DMRT1: variants seen among roughly 807,000 people sequenced by gnomAD.
DMRT1 encodes the protein doublesex and mab-3 related transcription factor 1.
In DMRT1, 7 loss-of-function variants were observed where a neutral mutation model predicts 32.3. The ratio of observed to expected loss-of-function variants is 0.22; its 90% CI spans 0.12 to 0.41. DMRT1 has a LOEUF of 0.41. DMRT1 is among the 10% of genes least tolerant of loss of function. The pLI, the probability that DMRT1 is intolerant of heterozygous loss-of-function variation, is 1.00. For missense variants in DMRT1, 625 were observed against 500.5 expected, an observed-to-expected ratio of 1.25 and a Z score of -2.37; for synonymous variants, 278 against 206.1, an observed-to-expected ratio of 1.35 and a Z score of -2.99.
intron 3 of DMRT1, among the ~76,000 whole-genome samples, chr9:896,493 T>C (rs1426695845): frequency 6.6e-6 from 1 of 151,966 alleles, no homozygotes; most frequent in Non-Finnish European, 1.5e-5. Flanking sequence ...GCAACCACTG[T>C]TCTCTGATTC....
rs1470158449 is a variant in DMRT1 at position 965,164 on chromosome 9, T to C, written c.968-2821T>C. On this transcript the variant is annotated intron_variant, in intron 4 of 4. Coordinates refer to ENST00000382276, the MANE Select transcript of DMRT1 (RefSeq NM_021951.3). This position sits in a 1 kb window ranked among gnomAD's most constrained non-coding sequence, Gnocchi z 4.5. ...AAAAGTGATTTTGGACATTAGTCAC[T>C]AAGGAAAAACACACTAAATCTTTTC... 1.3e-5 allele frequency among the ~76,000 whole-genome samples: 2 copies of C among 152,196 alleles called. No individual in the cohort carries two copies. Among genetic ancestry groups the C allele is most frequent in the Non-Finnish European group, 2.9e-5 (2 of 68,038 alleles).
chr9:906,765 A>C (rs369031845), intron 3 of DMRT1, among the ~76,000 whole-genome samples: 1 of 152,248 alleles, frequency 6.6e-6, no homozygotes, highest in Non-Finnish European at 1.5e-5. Context: ...AGCTAAAGGC[A>C]GCAAAGTAGG....
chr9:894,157 G>A lies in DMRT1; in HGVS notation c.784G>A (p.Gly262Arg), dbSNP rs371753746. 2.8e-5 allele frequency: 45 copies of A among 1,613,874 alleles called. No individual in the cohort carries two copies. Among genetic ancestry groups the A allele is most frequent in the Non-Finnish European group, 3.6e-5 (42 of 1,180,050 alleles). Residue 262 changes from glycine to arginine, a missense_variant, in exon 3 of 5, where the codon GGA (glycine) becomes AGA (arginine). By Grantham distance (125) the Gly-to-Arg change is moderately radical. Coordinates refer to ENST00000382276, the MANE Select transcript of DMRT1 (RefSeq NM_021951.3). ...GAAGAACAGCCTTCGGGGCCTCCCC[G>A]GACCTTATGTGCCTGGTCAGACAGG... is the stretch of plus-strand genomic sequence containing the variant. ...PVKNSLRGLP[G>R]PYVPGQTGNQ...
intron 2 of DMRT1, among the ~76,000 whole-genome samples, chr9:866,722 A>G (rs1319592023): frequency 1.3e-5 from 2 of 152,118 alleles, no homozygotes; most frequent in Admixed American, 1.3e-4. Context: ...TGAGTTTGAG[A>G]TGTGTGTGAG....
chr9:908,461 A>C (rs937909585), intron 3 of DMRT1, among the ~76,000 whole-genome samples: 1 of 55,988 alleles, frequency 1.8e-5, no homozygotes, highest in African/African-American at 4.2e-5. Context: ...GTCTCTAAAA[A>C]TGTTTTTTTA....
At position 842,051 on chromosome 9, in the gene DMRT1, G is replaced by A. The variant is rs376518776; in HGVS notation, c.213G>A (p.Pro71=). The part of the protein sequence containing the change: ...SDLGAGSKKS[P]RLPKCARCRN... ...TGGGTGCCGGGAGCAAGAAGTCCCC[G>A]CGGCTGCCCAAGTGCGCACGCTGCA... Residue 71 remains proline (P), a synonymous_variant, in exon 1 of 5, where the codon CCG becomes CCA. Transcript: ENST00000382276. 1,020 of 1,545,406 alleles carry A rather than the reference G, an allele frequency of 6.6e-4. 2 individuals are homozygous for A. The Middle Eastern group carries it at 6.7e-3, about 10-fold the overall frequency.
intron 3 of DMRT1, among the ~76,000 whole-genome samples, chr9:913,800 G>T (rs1340447506): frequency 6.6e-6 from 1 of 152,194 alleles, no homozygotes; most frequent in Non-Finnish European, 1.5e-5. Context: ...GGCTGACGCA[G>T]GAGAATCGCT....
intron 4 of DMRT1, among the ~76,000 whole-genome samples, chr9:953,980 C>T (rs1231725649): frequency 6.6e-6 from 1 of 152,056 alleles, no homozygotes; most frequent in East Asian, 1.9e-4. Context: ...AGGTGGAGTA[C>T]TGTGGGCATT....
At chr9:846,086 C>T (rs1268625949) in intron 1 of DMRT1, among the ~76,000 whole-genome samples, 2 of 147,986 alleles carry the variant, frequency 1.4e-5, no homozygotes, top group Non-Finnish European at 3.0e-5. Flanking sequence ...GGCTGGAGTG[C>T]AGTGTCGCGA....
intron 2 of DMRT1, among the ~76,000 whole-genome samples, chr9:850,740 T>TC (rs1334205992): frequency 1.3e-5 from 1 of 74,886 alleles, no homozygotes. Flanking sequence ...TGTATAGATG[T>TC]GAGGCCAGCC....
chr9:870,709 C>CTCTTTTTTTTTTTTTTTTTTTTTTTTTT (rs1816206857), intron 2 of DMRT1, among the ~76,000 whole-genome samples: 2 of 69,560 alleles, frequency 2.9e-5, no homozygotes, highest in African/African-American at 1.3e-4. Flanking sequence ...ATTTTCTTGA[C>CTCTTTTTTTTTTTTTTTTTTTTTTTTTT]TTTTTTTTTT....
chr9:870,027 G>A (rs4538942), intron 2 of DMRT1, among the ~76,000 whole-genome samples: 59,015 of 152,030 alleles, frequency 0.39, 11,650 homozygotes, highest in South Asian at 0.46. Flanking sequence ...GAACGAATAA[G>A]TTTCTTAAGT....
chr9:852,359 T>C (rs1421479298), intron 2 of DMRT1, among the ~76,000 whole-genome samples: 5 of 151,846 alleles, frequency 3.3e-5, no homozygotes, highest in Non-Finnish European at 7.4e-5. Flanking sequence ...TACATTTTTT[T>C]CCGGTGGTTT....
chr9:894,035 A>G lies in DMRT1; in HGVS notation c.662A>G (p.Tyr221Cys), dbSNP rs1412589556. The change falls in exon 3 of 5, where the codon TAT becomes TGT. Residue 221 changes from tyrosine to cysteine, a missense_variant. Tyr to Cys is a radical substitution (Grantham distance 194, BLOSUM62 -2). Around this residue, in one of 3 missense-constraint regions of DMRT1, gnomAD observed 416 missense variants for 321.6 expected, o/e 1.29. Coordinates refer to ENST00000382276, the MANE Select transcript of DMRT1 (RefSeq NM_021951.3). Reference sequence around the variant, plus strand: ...TTCTACCAGCCGTCTCTGTTTCCTTATTACAACAATCTATACAACTGCCCG... The same window carrying G: ...TTCTACCAGCCGTCTCTGTTTCCTTGTTACAACAATCTATACAACTGCCCG... ...SSFYQPSLFP[Y>C]YNNLYNCPQY... The G allele has an allele frequency of 8.7e-6, 14 of 1,614,054 alleles. No individual in the cohort carries two copies. Among genetic ancestry groups the G allele is most frequent in the Non-Finnish European group, 1.1e-5 (13 of 1,180,040 alleles).
intron 2 of DMRT1, among the ~76,000 whole-genome samples, chr9:869,888 T>G (rs1300995723): frequency 6.6e-6 from 1 of 152,206 alleles, no homozygotes; most frequent in Non-Finnish European, 1.5e-5. Context: ...TAAAGTCCTG[T>G]GTATTCTGTG....
At chr9:895,623 A>C (rs151315734) in intron 3 of DMRT1, among the ~76,000 whole-genome samples, 489 of 152,306 alleles carry the variant, frequency 3.2e-3, no homozygotes, top group South Asian at 0.021. Context: ...AATGATTGCC[A>C]CAATTAAGCT....
Position 895,994 on chromosome 9 carries a change from G to A in DMRT1, c.822+1799G>A, listed in dbSNP as rs75319365. 6.9e-3 allele frequency among the ~76,000 whole-genome samples: 1,049 copies of A among 151,578 alleles called. 6 individuals are homozygous for A. The highest frequency in any genetic ancestry group is 0.011 in the Admixed American group (165 of 15,226). ...TAATTTTTGTATTTTTAGTAGAGAC[G>A]GGGTTTCACCATGGTGGCCACGATG... On this transcript the variant is annotated intron_variant, in intron 3 of 4. Transcript: ENST00000382276.
At chr9:913,164 G>C (rs965895225) in intron 3 of DMRT1, among the ~76,000 whole-genome samples, 1 of 152,174 alleles carries the variant, frequency 6.6e-6, no homozygotes, top group African/African-American at 2.4e-5. Flanking sequence ...ATTTTGCAGA[G>C]CATTTAGGCC....
intron 4 of DMRT1, among the ~76,000 whole-genome samples, chr9:920,857 G>A (rs1346696094): frequency 1.3e-5 from 2 of 152,168 alleles, no homozygotes; most frequent in Admixed American, 6.5e-5. Context: ...TCTGATGTGG[G>A]TCTGGGAGTG....
Sources: allele counts gnomAD v4.1 joint callset (sites outside exome capture counted in the v4.1 genomes callset), GRCh38; gene constraint gnomAD v4.1.1; regional missense constraint gnomAD v4.1.1; non-coding constraint Gnocchi (gnomAD v3.1); transcripts MANE v1.5; gene names NCBI Gene and HGNC (gene_info 2026-07-23, HGNC 2026-07-21).